Variants in ROBO2 observed in about 807,000 individuals in gnomAD.
ROBO2 encodes roundabout guidance receptor 2, also known as roundabout homolog 2.
In ROBO2, 53 loss-of-function variants were observed where a neutral mutation model predicts 160.8. That is an observed-to-expected ratio of 0.33 (90% CI 0.26 to 0.41). ROBO2 has a LOEUF of 0.41. Among genes scored for constraint, ROBO2 ranks in the 10% least tolerant of loss-of-function variants. ROBO2 has a pLI of 1.00. For synonymous variants in ROBO2, 664 were observed against 611.7 expected (o/e 1.09, Z -1.26); for missense variants, 1,577 against 1,722.4 (o/e 0.92, Z 1.49).
At chr3:77,059,036 T>G (rs930881394) in intron 1 of ROBO2, among the ~76,000 whole-genome samples, 1 of 152,160 alleles carries the variant, frequency 6.6e-6, no homozygotes, top group African/African-American at 2.4e-5. Context: ...CTGAATATGT[T>G]TATACCTGTG....
intron 1 of ROBO2, among the ~76,000 whole-genome samples, chr3:77,086,180 G>C (rs753529908): frequency 8.6e-5 from 13 of 151,958 alleles, no homozygotes; most frequent in Non-Finnish European, 8.8e-5. Flanking sequence ...TTGTTTTTAG[G>C]GGGGTTACAG....
At chr3:76,660,393 C>T (rs2091766748) in intron 2 of ROBO2, among the ~76,000 whole-genome samples, 1 of 152,034 alleles carries the variant, frequency 6.6e-6, no homozygotes, top group Non-Finnish European at 1.5e-5. Context: ...TCTACAGTTC[C>T]CAAGTGAACA....
At chr3:75,971,313 C>G (rs1226837551) in intron 2 of ROBO2, among the ~76,000 whole-genome samples, 1 of 151,462 alleles carries the variant, frequency 6.6e-6, no homozygotes, top group Non-Finnish European at 1.5e-5. Context: ...TCAGAGATCT[C>G]TGAACAACAT....
intron 2 of ROBO2, among the ~76,000 whole-genome samples, chr3:77,380,243 A>G (rs1339506799): frequency 1.3e-5 from 2 of 152,218 alleles, no homozygotes; most frequent in Non-Finnish European, 2.9e-5. Flanking sequence ...TCAAAATAAC[A>G]CAGATTTTAC....
At chr3:76,167,368 C>A (rs2072875115) in intron 2 of ROBO2, among the ~76,000 whole-genome samples, 1 of 152,176 alleles carries the variant, frequency 6.6e-6, no homozygotes, top group Non-Finnish European at 1.5e-5. Context: ...GACTATTCAG[C>A]TCCTCTTCCT....
At chr3:76,079,782 A>G (rs372013642) in intron 2 of ROBO2, among the ~76,000 whole-genome samples, 32 of 152,254 alleles carry the variant, frequency 2.1e-4, no homozygotes, top group Middle Eastern at 6.8e-3. Flanking sequence ...TGAATGAAGT[A>G]AAGTCTGACT....
intron 2 of ROBO2, among the ~76,000 whole-genome samples, chr3:76,988,549 C>T (rs1405323553): frequency 1.3e-5 from 2 of 152,112 alleles, no homozygotes; most frequent in Non-Finnish European, 2.9e-5. Flanking sequence ...ATCTGTCAGT[C>T]CTTCCTTTGG....
intron 2 of ROBO2, among the ~76,000 whole-genome samples, chr3:76,700,145 T>A (rs2093017276): frequency 6.6e-6 from 1 of 152,154 alleles, no homozygotes. Flanking sequence ...ACATCACTAT[T>A]CTTTTCCCCA....
At chr3:76,005,188 G>A (rs1020282582) in intron 2 of ROBO2, among the ~76,000 whole-genome samples, 1 of 152,140 alleles carries the variant, frequency 6.6e-6, no homozygotes, top group Non-Finnish European at 1.5e-5. Flanking sequence ...TAGCAGCACA[G>A]ACTGAATGGA....
intron 2 of ROBO2, among the ~76,000 whole-genome samples, chr3:77,119,835 A>C (rs532277633): frequency 3.0e-4 from 45 of 152,324 alleles, no homozygotes; most frequent in African/African-American, 1.1e-3. Flanking sequence ...TCACATCGAC[A>C]TGTAATGATT....
At position 76,795,253 on chromosome 3, in the gene ROBO2, A is replaced by G. The variant is rs553254269; in HGVS notation, c.110-302761A>G. On this transcript the variant is annotated intron_variant, in intron 2 of 26. Coordinates refer to the ROBO2 transcript ENST00000487694. The stretch of plus-strand genomic sequence containing the variant: ...GTTGAAGGTTAGGGGAGCTGTGGCA[A>G]TTTCTTAATATTAGTCCCAATGAAG... Among the ~76,000 whole-genome samples the G allele has an allele frequency of 4.6e-5, 7 of 152,106 alleles. No individual in the cohort carries two copies. In the South Asian group the frequency reaches 6.2e-4, roughly 14 times the overall value.
chr3:77,481,931 G>C (rs1582334038), intron 4 of ROBO2, among the ~76,000 whole-genome samples: 1 of 152,096 alleles, frequency 6.6e-6, no homozygotes, highest in East Asian at 1.9e-4. Flanking sequence ...GGCAGCTGTG[G>C]AAGGTTGAAA....
rs1348629583 is a variant in ROBO2, at chr3:76,444,187, T to C, written c.109+506585T>C. On this transcript the variant is annotated intron_variant, in intron 2 of 26. Coordinates refer to the ROBO2 transcript ENST00000487694. ...TAGAGACGGGGTCTCATCATGTTGG[T>C]CAGGCTGGTCTCAAGCTCATGACCT... Among the ~76,000 whole-genome samples the C allele has an allele frequency of 2.6e-5, 4 of 151,950 alleles. No homozygotes were observed. The East Asian group carries it at 7.7e-4, about 29-fold the overall frequency.
chr3:76,425,514 G>C lies in ROBO2; in HGVS notation c.109+487912G>C, dbSNP rs866319629. Among the ~76,000 whole-genome samples, 12 of 133,748 alleles carry C rather than the reference G, an allele frequency of 9.0e-5. No individual in the cohort carries two copies. The South Asian group carries it at 1.5e-3, about 17-fold the overall frequency. The allele number at this position is 133,748 out of a possible 152,430, so 87.7% of individuals were successfully genotyped here. ...TGTGTGTGTGTGTGTGTGTGTGTGTGTGTGTGTGTGTCTGTGTGTGTGTGT... is the reference window on the plus strand; with the variant it reads ...TGTGTGTGTGTGTGTGTGTGTGTGTCTGTGTGTGTGTCTGTGTGTGTGTGT... On this transcript the variant is annotated intron_variant, in intron 2 of 26. Transcript: ENST00000487694.
intron 2 of ROBO2, among the ~76,000 whole-genome samples, chr3:77,445,692 A>G (rs1316123157): frequency 1.3e-5 from 2 of 151,964 alleles, no homozygotes; most frequent in African/African-American, 2.4e-5. Context: ...TAGAATTTTC[A>G]TGATAGTTTC....
At position 76,999,264 on chromosome 3, in the gene ROBO2, C is replaced by A. The variant is rs143674890; in HGVS notation, c.110-98750C>A. ...TACTCAGACTCAGGATTAGTACTGT[C>A]ACCTACAGCCTGGGTGGTTTAGAAT... On this transcript the variant is annotated intron_variant, in intron 2 of 26. Transcript: ENST00000487694. Among the ~76,000 whole-genome samples, 171 of 152,044 alleles carry A rather than the reference C, an allele frequency of 1.1e-3. 2 individuals are homozygous for A. The highest frequency in any genetic ancestry group is 3.9e-3 in the African/African-American group (161 of 41,492).
chr3:76,811,775 C>CTCCTTCCT (rs767988628), intron 2 of ROBO2, among the ~76,000 whole-genome samples: 19 of 96,940 alleles, frequency 2.0e-4, no homozygotes, highest in African/African-American at 5.4e-4. Context: ...CTCTCTTTCC[C>CTCCTTCCT]TCCTTCCTTC....
At chr3:76,650,481 C>CTTTTTTTTTTTTTTTTT (rs67171130) in intron 2 of ROBO2, among the ~76,000 whole-genome samples, 2 of 146,732 alleles carry the variant, frequency 1.4e-5, no homozygotes, top group Non-Finnish European at 1.5e-5. Context: ...CCTTCTTTCT[C>CTTTTTTTTTTTTTTTTT]TTTTTTTTTT....
At chr3:76,595,420 A>T (rs1186401536) in intron 2 of ROBO2, among the ~76,000 whole-genome samples, 1 of 152,100 alleles carries the variant, frequency 6.6e-6, no homozygotes, top group Non-Finnish European at 1.5e-5. Flanking sequence ...ACAAAAATAT[A>T]TTTGAGTTTT....
Sources: gnomAD v4.1 joint callset for allele counts (sites outside exome capture counted in the v4.1 genomes callset) on GRCh38, gnomAD v4.1.1 for gene constraint, MANE v1.5 for transcripts, NCBI Gene and HGNC (gene_info 2026-07-23, HGNC 2026-07-21) for gene names.